Variants in LDLRAD4 observed in about 807,000 individuals in gnomAD.
LDLRAD4 encodes low density lipoprotein receptor class A domain containing 4, also known as low-density lipoprotein receptor class A domain-containing protein 4.
In LDLRAD4, 5 loss-of-function variants were observed where a neutral mutation model predicts 17.0. The ratio of observed to expected loss-of-function variants is 0.29; its 90% CI spans 0.15 to 0.62. The LOEUF is 0.62. LDLRAD4 is among the 20% of genes least tolerant of loss of function. LDLRAD4 has a pLI of 0.84. For missense variants in LDLRAD4, 340 were observed against 424.7 expected, an observed-to-expected ratio of 0.80 and a Z score of 1.75; for synonymous variants, 168 against 171.8, an observed-to-expected ratio of 0.98 and a Z score of 0.17.
chr18:13,378,954 G>T (rs185240976), intron 1 of LDLRAD4, among the ~76,000 whole-genome samples: 2 of 152,214 alleles, frequency 1.3e-5, no homozygotes, highest in African/African-American at 4.8e-5. Context: ...CGATTTCATC[G>T]GCCATCTGCT....
intron 1 of LDLRAD4, among the ~76,000 whole-genome samples, chr18:13,311,913 G>A (rs1441018916): frequency 1.3e-5 from 2 of 150,106 alleles, no homozygotes; most frequent in East Asian, 3.9e-4. Context: ...CTCACTGCAA[G>A]CCTCCCCTCC....
rs183522228 is a variant in LDLRAD4 at position 13,450,113 on chromosome 18, C to T, written c.181+11729C>T. Among the ~76,000 whole-genome samples, 56 of 152,162 alleles carry T rather than the reference C, an allele frequency of 3.7e-4. 1 individual carries two copies. The East Asian group carries it at 8.1e-3, about 22-fold the overall frequency. On this transcript the variant is annotated intron_variant, in intron 3 of 5. Coordinates refer to ENST00000359446, the Ensembl canonical transcript of LDLRAD4. ...CTTGGTGAGAGGGGTTGGCATGAAC[C>T]CAGAATTTTAAATGCCAATCTGACC... is the stretch of plus-strand genomic sequence containing the variant.
chr18:13,415,364 G>A (rs751331086), intron 2 of LDLRAD4, among the ~76,000 whole-genome samples: 1 of 152,242 alleles, frequency 6.6e-6, no homozygotes, highest in Admixed American at 6.5e-5. Context: ...CCCCACAGAC[G>A]AGGCTTGCGT....
At chr18:13,595,008 TATCTA>T (rs1413520689) in intron 3 of LDLRAD4, among the ~76,000 whole-genome samples, 1 of 152,150 alleles carries the variant, frequency 6.6e-6, no homozygotes, top group Non-Finnish European at 1.5e-5. Context: ...TCGTACAAGT[TATCTA>T]ATCTGTTGGC....
intron 1 of LDLRAD4, among the ~76,000 whole-genome samples, chr18:13,319,918 A>C (rs372977653): frequency 6.6e-6 from 1 of 152,204 alleles, no homozygotes; most frequent in African/African-American, 2.4e-5. Context: ...TCTCATTTCT[A>C]TTATAATTTT....
intron 3 of LDLRAD4, among the ~76,000 whole-genome samples, chr18:13,558,763 A>G (rs1032961365): frequency 1.3e-5 from 2 of 152,262 alleles, no homozygotes; most frequent in African/African-American, 2.4e-5. Context: ...TATGAAAAAT[A>G]TAAAACAGTA....
intron 3 of LDLRAD4, among the ~76,000 whole-genome samples, chr18:13,475,064 C>G (rs1020258624): frequency 6.6e-6 from 1 of 152,158 alleles, no homozygotes; most frequent in Admixed American, 6.5e-5. Context: ...CCCAAAGAAG[C>G]CTTAGTCACA....
At chr18:13,269,678 C>A (rs563526933) in intron 1 of LDLRAD4, among the ~76,000 whole-genome samples, 258 of 152,282 alleles carry the variant, frequency 1.7e-3, no homozygotes, top group Admixed American at 4.4e-3. Context: ...CATGTGCTCA[C>A]ACTTGGAGTC....
chr18:13,497,126 G>T (rs903746014), intron 3 of LDLRAD4, among the ~76,000 whole-genome samples: 9 of 152,188 alleles, frequency 5.9e-5, no homozygotes, highest in Admixed American at 5.2e-4. Context: ...ATAAAGTGGA[G>T]ACTGCTTAGT....
intron 3 of LDLRAD4, among the ~76,000 whole-genome samples, chr18:13,448,326 C>T (rs373403340): frequency 6.6e-6 from 1 of 152,150 alleles, no homozygotes; most frequent in Non-Finnish European, 1.5e-5. Flanking sequence ...TTCATTTAGC[C>T]TCTTAATTTG....
In LDLRAD4 at chr18:13,321,256, C is replaced by T. The variant is rs540555410; in HGVS notation, c.-383+43068C>T. Among the ~76,000 whole-genome samples, 5 of 152,300 alleles carry T rather than the reference C, an allele frequency of 3.3e-5. No individual in the cohort carries two copies. The East Asian group carries it at 5.8e-4, about 18-fold the overall frequency. Reference sequence around the variant, plus strand: ...CCTGCATCTCCCCCAGAGGCCTATGCGCGGTTTGGCTGCCCGGCCAGGTTC... The same window carrying T: ...CCTGCATCTCCCCCAGAGGCCTATGTGCGGTTTGGCTGCCCGGCCAGGTTC... On this transcript the variant is annotated intron_variant, in intron 1 of 5. Coordinates refer to ENST00000359446, the Ensembl canonical transcript of LDLRAD4.
chr18:13,233,064 A>G (rs1411887248), intron 1 of LDLRAD4, among the ~76,000 whole-genome samples: 1 of 152,216 alleles, frequency 6.6e-6, no homozygotes, highest in African/African-American at 2.4e-5. Flanking sequence ...ACTCTAGACG[A>G]TGGCAGAGGA....
chr18:13,280,597 TA>T (rs922348113), intron 1 of LDLRAD4, among the ~76,000 whole-genome samples: 1 of 152,206 alleles, frequency 6.6e-6, no homozygotes, highest in Non-Finnish European at 1.5e-5. Context: ...CTGACGTGAT[TA>T]AGCACAAAGG....
chr18:13,473,310 G>T (rs372300275), intron 3 of LDLRAD4, among the ~76,000 whole-genome samples: 5 of 152,146 alleles, frequency 3.3e-5, no homozygotes, highest in Admixed American at 6.5e-5. Context: ...GTTGTTTATT[G>T]TAGGCATTTA....
At chr18:13,396,449 G>A (rs887958892) in intron 2 of LDLRAD4, among the ~76,000 whole-genome samples, 1 of 152,154 alleles carries the variant, frequency 6.6e-6, no homozygotes, top group Non-Finnish European at 1.5e-5. Flanking sequence ...TATAAATGTT[G>A]TGTAAATAGT....
chr18:13,479,852 A>G, intron 3 of LDLRAD4, among the ~76,000 whole-genome samples: 1 of 152,246 alleles, frequency 6.6e-6, no homozygotes, highest in East Asian at 1.9e-4. Flanking sequence ...ATATGTTATC[A>G]GGGAAATGCA....
At chr18:13,244,998 T>C (rs2042885570) in intron 1 of LDLRAD4, among the ~76,000 whole-genome samples, 1 of 152,234 alleles carries the variant, frequency 6.6e-6, no homozygotes, top group South Asian at 2.1e-4. Flanking sequence ...GAGGCACTGC[T>C]TCCTCTGCAC....
intron 3 of LDLRAD4, among the ~76,000 whole-genome samples, chr18:13,551,837 T>C (rs2094438177): frequency 6.6e-6 from 1 of 152,180 alleles, no homozygotes; most frequent in Admixed American, 6.5e-5. Flanking sequence ...AGAGGTTTAT[T>C]GGGCTCATGG....
At chr18:13,493,841 C>T (rs1349331889) in intron 3 of LDLRAD4, among the ~76,000 whole-genome samples, 12 of 152,238 alleles carry the variant, frequency 7.9e-5, no homozygotes, top group Non-Finnish European at 1.3e-4. Flanking sequence ...CCTCCAGCCC[C>T]GTGGTCCTTG....
Sources: gnomAD v4.1 joint callset for allele counts (sites outside exome capture counted in the v4.1 genomes callset) on GRCh38, gnomAD v4.1.1 for gene constraint, MANE v1.5 for transcripts, NCBI Gene and HGNC (gene_info 2026-07-23, HGNC 2026-07-21) for gene names.